The following ROR1 variants were observed in gnomAD, a reference collection of about 807,000 sequenced individuals.
ROR1 encodes inactive tyrosine-protein kinase transmembrane receptor ROR1.
A neutral mutation model predicts 78.8 loss-of-function variants in ROR1; 19 were observed. The ratio of observed to expected loss-of-function variants is 0.24; its 90% CI spans 0.17 to 0.35. The LOEUF is 0.35. ROR1 is among the 10% of genes least tolerant of loss of function. ROR1 has a pLI of 1.00. For missense variants in ROR1, 917 were observed against 1,177.8 expected, an observed-to-expected ratio of 0.78 and a Z score of 3.24; for synonymous variants, 386 against 433.6, an observed-to-expected ratio of 0.89 and a Z score of 1.36.
At chr1:63,894,502 C>G (rs1397272351) in intron 1 of ROR1, among the ~76,000 whole-genome samples, 1 of 152,104 alleles carries the variant, frequency 6.6e-6, no homozygotes, top group African/African-American at 2.4e-5. Flanking sequence ...CTCCCATCAT[C>G]TTCACACACC....
In ROR1 at chr1:64,178,268, C is replaced by T; in HGVS notation, c.2227C>T (p.His743Tyr). 2 of 1,614,094 alleles carry T rather than the reference C, an allele frequency of 1.2e-6. No individual in the cohort carries two copies. The highest frequency in any genetic ancestry group is 1.7e-6 in the Non-Finnish European group (2 of 1,180,008). The change falls in exon 9 of 9, where the codon CAC (histidine) becomes TAC (tyrosine). Residue 743 changes from histidine (H) to tyrosine (Y), a missense_variant. By Grantham distance (83) the His-to-Tyr change is moderately conservative (BLOSUM62 2). Transcript: ENST00000371079. This position sits in a 1 kb window ranked among gnomAD's most constrained non-coding sequence, Gnocchi z 4.3. ...TAGGAGACCAAGATTTAAAGATATT[C>T]ACGTCCGGCTTCGGTCCTGGGAGGG... Reference protein sequence around the residue: ...PSRRPRFKDIHVRLRSWEGLS... With the variant: ...PSRRPRFKDIYVRLRSWEGLS...
intron 4 of ROR1, among the ~76,000 whole-genome samples, chr1:64,116,059 G>A (rs986128057): frequency 6.6e-6 from 1 of 152,148 alleles, no homozygotes; most frequent in Admixed American, 6.5e-5. Flanking sequence ...CAGATACAGA[G>A]TTTGGCACTG....
At chr1:63,893,682 T>C (rs10889453) in intron 1 of ROR1, among the ~76,000 whole-genome samples, 134,404 of 152,074 alleles carry the variant, frequency 0.88, 59,905 homozygotes, top group East Asian at 1. Context: ...ACGAAGCAGC[T>C]GTCTTTTCAT....
chr1:63,915,801 T>A (rs1177412011), intron 1 of ROR1, among the ~76,000 whole-genome samples: 1 of 152,068 alleles, frequency 6.6e-6, no homozygotes, highest in African/African-American at 2.4e-5. Context: ...GGGGGTGTGC[T>A]ACAATTGGCA....
intron 1 of ROR1, among the ~76,000 whole-genome samples, chr1:63,931,990 C>T (rs2100445289): frequency 6.6e-6 from 1 of 152,220 alleles, no homozygotes; most frequent in South Asian, 2.1e-4. Flanking sequence ...GGAACGTACC[C>T]CCTTTGGATG....
rs6668545 is a variant in ROR1, at chr1:64,159,159, A to G, written c.1353A>G (p.Val451=). The G allele has an allele frequency of 0.36, 573,355 of 1,613,362 alleles. 103,271 individuals are homozygous for G. The highest frequency in any genetic ancestry group is 0.43 in the East Asian group (19,454 of 44,860). Residue 451 remains valine, a synonymous_variant, in exon 8 of 9, where the codon GTA becomes GTG. Coordinates refer to ENST00000371079, the MANE Select transcript of ROR1 (RefSeq NM_005012.4). ...CAAAACACGTCAGAGGTCAAAATGT[A>G]GAGATGTCAATGCTGAATGCATATA... ...RQPKHVRGQN[V]EMSMLNAYKP...
chr1:63,975,634 C>T (rs187456878), intron 1 of ROR1, among the ~76,000 whole-genome samples: 32 of 152,230 alleles, frequency 2.1e-4, no homozygotes, highest in Admixed American at 1.8e-3. Flanking sequence ...GAAGCGGTGC[C>T]ACAGTGTCCC....
Position 64,178,356 on chromosome 1 carries a change from C to T in ROR1, c.2315C>T (p.Ser772Phe), listed in dbSNP as rs1650449549. 6.2e-7 allele frequency: 1 copy of T among 1,614,178 alleles called. No homozygotes were observed. Among genetic ancestry groups the T allele is most frequent in the Non-Finnish European group, 8.5e-7 (1 of 1,180,022 alleles). Residue 772 changes from serine to phenylalanine, a missense_variant, in exon 9 of 9, where the codon TCC (serine) becomes TTC (phenylalanine). By Grantham distance (155) the Ser-to-Phe change is radical (BLOSUM62 -2). Transcript: ENST00000371079. This position sits in a 1 kb window ranked among gnomAD's most constrained non-coding sequence, Gnocchi z 4.3. ...SGGNATTQTT[S>F]LSASPVSNLS... The stretch of plus-strand genomic sequence containing the variant: ...GGAAATGCCACCACACAGACAACCT[C>T]CCTCAGTGCCAGCCCAGTGAGTAAT...
intron 7 of ROR1, among the ~76,000 whole-genome samples, chr1:64,158,647 A>G (rs1001452240): frequency 6.6e-6 from 1 of 152,250 alleles, no homozygotes; most frequent in Non-Finnish European, 1.5e-5. Context: ...TATACAGTCC[A>G]TTCACGTGGC....
rs180955786 is a variant in ROR1, at chr1:63,930,086, G to C, written c.92-79219G>C. On this transcript the variant is annotated intron_variant, in intron 1 of 8. Coordinates refer to ENST00000371079, the MANE Select transcript of ROR1 (RefSeq NM_005012.4). ...ACCCATGAACCCGTCATCTACATTAGATATTTCTCCTAATGCTATCCCTCC... is the reference window on the plus strand; with the variant it reads ...ACCCATGAACCCGTCATCTACATTACATATTTCTCCTAATGCTATCCCTCC... 7.9e-5 allele frequency among the ~76,000 whole-genome samples: 12 copies of C among 152,198 alleles called. No individual in the cohort carries two copies. In the East Asian group the frequency reaches 1.2e-3, roughly 15 times the overall value.
intron 1 of ROR1, among the ~76,000 whole-genome samples, chr1:63,948,284 T>C (rs1210505889): frequency 6.6e-6 from 1 of 152,088 alleles, no homozygotes; most frequent in Non-Finnish European, 1.5e-5. Context: ...ACTTCATGTA[T>C]GTAAGTTCTG....
intron 1 of ROR1, among the ~76,000 whole-genome samples, chr1:63,903,791 A>T (rs1308787770): frequency 1.3e-5 from 2 of 151,750 alleles, no homozygotes; most frequent in Non-Finnish European, 2.9e-5. Context: ...ATATTTTCTC[A>T]TTCTCTTTTT....
intron 1 of ROR1, among the ~76,000 whole-genome samples, chr1:63,776,420 C>T (rs973610533): frequency 2.6e-5 from 4 of 152,220 alleles, no homozygotes; most frequent in African/African-American, 9.6e-5. Flanking sequence ...TGAGCAATTC[C>T]TGTCCCTTTT....
chr1:63,877,890 CAAA>C (rs1018848499), intron 1 of ROR1, among the ~76,000 whole-genome samples: 1 of 152,086 alleles, frequency 6.6e-6, no homozygotes, highest in African/African-American at 2.4e-5. Flanking sequence ...TCAAACAAGA[CAAA>C]GAGGCTCATT....
intron 1 of ROR1, among the ~76,000 whole-genome samples, chr1:63,924,010 C>G (rs1423458675): frequency 6.6e-6 from 1 of 151,738 alleles, no homozygotes; most frequent in Non-Finnish European, 1.5e-5. Flanking sequence ...GCTCTAAACA[C>G]GGGGTTCTTC....
intron 1 of ROR1, among the ~76,000 whole-genome samples, chr1:63,954,342 T>C (rs1645964841): frequency 6.6e-6 from 1 of 152,240 alleles, no homozygotes; most frequent in South Asian, 2.1e-4. Context: ...TCTCACATTC[T>C]GCAGGCCAGA....
chr1:63,952,912 C>A (rs949088763), intron 1 of ROR1, among the ~76,000 whole-genome samples: 1 of 151,906 alleles, frequency 6.6e-6, no homozygotes. Context: ...GAGGTCTTGC[C>A]CTAAAGCTAC....
At chr1:64,049,047 CTA>C (rs1279988939) in intron 2 of ROR1, among the ~76,000 whole-genome samples, 2 of 152,180 alleles carry the variant, frequency 1.3e-5, no homozygotes, top group Non-Finnish European at 1.5e-5. Flanking sequence ...ATGAATTAAT[CTA>C]TATATATGTG....
intron 4 of ROR1, among the ~76,000 whole-genome samples, chr1:64,055,043 C>G (rs897983226): frequency 7.2e-5 from 11 of 152,156 alleles, no homozygotes; most frequent in African/African-American, 2.7e-4. Context: ...ACCGTGACGA[C>G]CTCATTTTAA....
Sources: allele counts gnomAD v4.1 joint callset (sites outside exome capture counted in the v4.1 genomes callset), GRCh38; gene constraint gnomAD v4.1.1; non-coding constraint Gnocchi (gnomAD v3.1); transcripts MANE v1.5; gene names NCBI Gene and HGNC (gene_info 2026-07-23, HGNC 2026-07-21).